VWA8: variants seen among roughly 807,000 people sequenced by gnomAD.
VWA8 encodes the protein von Willebrand factor A domain containing 8.
VWA8 carries 221 observed loss-of-function variants against 241.5 expected under a neutral mutation model. The ratio of observed to expected loss-of-function variants is 0.91; its 90% CI spans 0.82 to 1.02. VWA8 has a LOEUF of 1.02. Among genes scored for constraint, VWA8 ranks in the 50% least tolerant of loss-of-function variants. The pLI, the probability that VWA8 is intolerant of heterozygous loss-of-function variation, is 0.00. For missense variants in VWA8, 2,322 were observed against 2,328.7 expected, an observed-to-expected ratio of 1.00 and a Z score of 0.06; for synonymous variants, 852 against 827.1, an observed-to-expected ratio of 1.03 and a Z score of -0.52.
At chr13:41,887,492 T>C in intron 5 of VWA8, 131 bp from the exon 6 acceptor site, 1 of 999,758 alleles carries the variant, frequency 1.0e-6, no homozygotes. Flanking sequence ...AAATCCATAC[T>C]GTCAAGGAAG....
At chr13:41,764,204 AT>A (rs754260122) in intron 20 of VWA8, among the ~76,000 whole-genome samples, 1 of 152,046 alleles carries the variant, frequency 6.6e-6, no homozygotes, top group Non-Finnish European at 1.5e-5. Context: ...TGATGGCTTC[AT>A]TTTTTCCCTT....
intron 9 of VWA8, among the ~76,000 whole-genome samples, chr13:41,882,629 C>G (rs1874295015): frequency 6.6e-6 from 1 of 152,244 alleles, no homozygotes; most frequent in African/African-American, 2.4e-5. Flanking sequence ...CAGCGAAACC[C>G]CGTCTCCACC....
Position 41,837,082 on chromosome 13 carries a change from G to GATAGATAGAT in VWA8, c.1426-3552_1426-3551insATCTATCTAT, listed in dbSNP as rs1566476355. Among the ~76,000 whole-genome samples, 16 of 123,036 alleles carry GATAGATAGAT rather than the reference G, an allele frequency of 1.3e-4. No homozygotes were observed. In the East Asian group the frequency reaches 4.1e-3, roughly 31 times the overall value. The allele number at this position is 123,036 out of a possible 152,430, so 80.7% of individuals were successfully genotyped here. A position where few individuals can be genotyped will look rare whatever the true frequency, so the allele number is the denominator to read the frequency against. On this transcript the variant is annotated intron_variant, in intron 12 of 44. Coordinates refer to ENST00000379310, the MANE Select transcript of VWA8 (RefSeq NM_015058.2). The stretch of plus-strand genomic sequence containing the variant: ...ATAGATAGATAGATAGATAGATAGA[G>GATAGATAGAT]ATTTTTAAAAAATATTTTGTAGAGA...
intron 4 of VWA8, among the ~76,000 whole-genome samples, chr13:41,898,019 A>G (rs554084036): frequency 1.3e-5 from 2 of 152,230 alleles, no homozygotes; most frequent in South Asian, 4.2e-4. Context: ...TTAGCTAGAT[A>G]CAGTGTTGAC....
intron 12 of VWA8, among the ~76,000 whole-genome samples, chr13:41,861,185 C>T (rs564269109): frequency 3.3e-5 from 5 of 151,702 alleles, no homozygotes; most frequent in East Asian, 1.9e-4. Flanking sequence ...CACTACAGCC[C>T]GGGTGACAGT....
At chr13:41,817,149 A>C (rs1164182271) in intron 15 of VWA8, among the ~76,000 whole-genome samples, 1 of 152,194 alleles carries the variant, frequency 6.6e-6, no homozygotes, top group African/African-American at 2.4e-5. Context: ...CATTTTAAGT[A>C]CTAATTAGGT....
rs2045159477 is a variant in VWA8, at chr13:41,689,345, G to A, written c.4131+9C>T. ...CATTTATCCGATAATTTAAAAAATG[G>A]GTGCTTACCATGAGATCTGGAAAAC... On this transcript the variant is annotated intron_variant, in intron 34 of 44. Transcript: ENST00000379310. 3.7e-6 allele frequency: 6 copies of A among 1,602,148 alleles called. No homozygotes were observed. The highest frequency in any genetic ancestry group is 1.7e-5 in the Admixed American group (1 of 58,164).
At chr13:41,669,748 A>T (rs2045009750) in intron 37 of VWA8, among the ~76,000 whole-genome samples, 1 of 152,198 alleles carries the variant, frequency 6.6e-6, no homozygotes, top group Non-Finnish European at 1.5e-5. Context: ...CAAGAGCTTA[A>T]TTCAAAAAGA....
chr13:41,664,209 G>A lies in VWA8; in HGVS notation c.4611+6737C>T, dbSNP rs115658006. ...GCTTGGCTGGATATAAATTCTAGCC[G>A]GAAATCCTTTTCCCTCTTTGATTTT... On this transcript the variant is annotated intron_variant, in intron 37 of 44. Coordinates refer to ENST00000379310, the MANE Select transcript of VWA8 (RefSeq NM_015058.2). Among the ~76,000 whole-genome samples, 808 of 152,064 alleles carry A rather than the reference G, an allele frequency of 5.3e-3. 5 individuals are homozygous for A. Among genetic ancestry groups the A allele is most frequent in the African/African-American group, 0.018 (766 of 41,490 alleles).
chr13:41,853,763 G>A (rs1463822436), intron 12 of VWA8, among the ~76,000 whole-genome samples: 1 of 152,058 alleles, frequency 6.6e-6, no homozygotes, highest in Non-Finnish European at 1.5e-5. Context: ...CTAGCTACAA[G>A]TCTGTAAATT....
chr13:41,772,954 G>C (rs1441284145), intron 20 of VWA8, among the ~76,000 whole-genome samples: 3 of 152,182 alleles, frequency 2.0e-5, no homozygotes, highest in African/African-American at 4.8e-5. Flanking sequence ...ACTGGTAACA[G>C]AGCAGTCTTG....
intron 1 of VWA8, chr13:41,956,012 T>C (rs1878336679): frequency 6.6e-6 from 1 of 152,254 alleles, no homozygotes; most frequent in Admixed American, 6.5e-5. Flanking sequence ...GACTGCCCAA[T>C]TCACAAATTG....
intron 20 of VWA8, among the ~76,000 whole-genome samples, chr13:41,766,026 T>C (rs1295764079): frequency 6.6e-6 from 1 of 152,120 alleles, no homozygotes; most frequent in Non-Finnish European, 1.5e-5. Flanking sequence ...GCCCTTTCAC[T>C]ACCGGGTTAG....
chr13:41,886,180 C>G, intron 7 of VWA8, 152 bp from the exon 8 acceptor site: 1 of 594,840 alleles, frequency 1.7e-6, no homozygotes, highest in East Asian at 3.2e-5. Context: ...TAATATCCTA[C>G]TTAAAACTCA....
chr13:41,617,382 G>T (rs984167011), intron 37 of VWA8, among the ~76,000 whole-genome samples: 3 of 152,068 alleles, frequency 2.0e-5, no homozygotes, highest in Admixed American at 6.6e-5. Flanking sequence ...GCCTCCCAAA[G>T]TGCTGGGATT....
At position 41,739,844 on chromosome 13, in the gene VWA8, T is replaced by G. The variant is rs1250230105; in HGVS notation, c.2427-7689A>C. 6.3e-3 allele frequency among the ~76,000 whole-genome samples: 351 copies of G among 55,798 alleles called. 2 individuals are homozygous for G. The highest frequency in any genetic ancestry group is 0.011 in the Non-Finnish European group (285 of 26,144). The allele number at this position is 55,798 out of a possible 152,430, so 36.6% of individuals were successfully genotyped here. On this transcript the variant is annotated intron_variant, in intron 21 of 44. Coordinates refer to ENST00000379310, the MANE Select transcript of VWA8 (RefSeq NM_015058.2). ...GTTTTTTTGTTTTTTTTTTTGTTTT[T>G]TTTGTTTTTTTTGTTTTTTTTTTTT...
intron 12 of VWA8, 44 bp from the exon 13 acceptor site, chr13:41,833,575 A>G (rs754965508): frequency 2.0e-6 from 3 of 1,533,996 alleles, no homozygotes; most frequent in Admixed American, 2.0e-5. Flanking sequence ...TGACGAATTA[A>G]TTTTTAAGAC....
In VWA8 at chr13:41,691,291, T is replaced by C. The variant is rs758633321; in HGVS notation, c.3866+29A>G. 1.6e-5 allele frequency: 25 copies of C among 1,605,196 alleles called. No individual in the cohort carries two copies. The African/African-American group carries it at 3.0e-4, about 19-fold the overall frequency. On this transcript the variant is annotated intron_variant, in intron 32 of 44. Coordinates refer to ENST00000379310, the MANE Select transcript of VWA8 (RefSeq NM_015058.2). ...TAAATAAGATTGAGCTACAACATAC[T>C]CCATGATACACTATATAAAGCCACT...
At chr13:41,815,379 G>A (rs1168923475) in intron 16 of VWA8, among the ~76,000 whole-genome samples, 1 of 152,232 alleles carries the variant, frequency 6.6e-6, no homozygotes, top group Non-Finnish European at 1.5e-5. Flanking sequence ...TGGCAAAATT[G>A]ACTTTGCAAA....
Sources: allele counts gnomAD v4.1 joint callset (sites outside exome capture counted in the v4.1 genomes callset), GRCh38; gene constraint gnomAD v4.1.1; transcripts MANE v1.5; gene names NCBI Gene and HGNC (gene_info 2026-07-23, HGNC 2026-07-21).